ITIH6: variants seen among roughly 807,000 people sequenced by gnomAD.
ITIH6 encodes the protein inter-alpha-trypsin inhibitor heavy chain family member 6, also known as inter-alpha-trypsin inhibitor heavy chain H6.
ITIH6 carries 60 observed loss-of-function variants against 58.2 expected under a neutral mutation model. The ratio of observed to expected loss-of-function variants is 1.03; its 90% CI spans 0.84 to 1.28. ITIH6 has a LOEUF of 1.28. ITIH6 is among the 50% of genes most tolerant of loss of function. The pLI is 0.00. For synonymous variants in ITIH6, 493 were observed against 417.4 expected (o/e 1.18, Z -2.21); for missense variants, 1,290 against 1,021.1 (o/e 1.26, Z -3.59).
chrX:54,794,649 A>T (rs1929408940), intron 2 of ITIH6, among the ~76,000 whole-genome samples: 1 of 111,124 alleles, frequency 9.0e-6, no homozygotes. Flanking sequence ...AAGTGCCAGG[A>T]GGTTCTTGAT....
rs185175553 is a variant in ITIH6 at position 54,768,618 on chromosome X, C to G, written c.903+5463G>C. ...ACAAAATCGGTCAGCATTTGCTTGTCTGTAAAGTATTTTATATGAAGCTTA... is the reference window on the plus strand; with the variant it reads ...ACAAAATCGGTCAGCATTTGCTTGTGTGTAAAGTATTTTATATGAAGCTTA... On this transcript the variant is annotated intron_variant, in intron 6 of 12. Transcript: ENST00000218436. Among the ~76,000 whole-genome samples the G allele has an allele frequency of 3.8e-4, 41 of 109,075 alleles. No homozygotes were observed. In the East Asian group the frequency reaches 7.7e-3, roughly 20 times the overall value. The allele number at this position is 109,075 out of a possible 115,157, so 94.7% of individuals were successfully genotyped here. A position where few individuals can be genotyped will look rare whatever the true frequency, so the allele number is the denominator to read the frequency against.
intron 4 of ITIH6, among the ~76,000 whole-genome samples, chrX:54,788,868 G>A (rs773262661): frequency 3.6e-5 from 4 of 112,330 alleles, no homozygotes; most frequent in Non-Finnish European, 7.5e-5. Context: ...GAGCCTAGCC[G>A]GACAGACCCA....
intron 5 of ITIH6, among the ~76,000 whole-genome samples, chrX:54,778,251 G>A (rs1312124732): frequency 9.6e-6 from 1 of 104,305 alleles, no homozygotes; most frequent in African/African-American, 3.6e-5. Flanking sequence ...CTGGAGTGCA[G>A]TGGCACGATG....
In ITIH6 at chrX:54,757,689, C is replaced by T. The variant is rs145304460; in HGVS notation, c.2385G>A (p.Gly795=). The change falls in exon 8 of 13, where the codon GGG becomes GGA. Residue 795 remains glycine (G), a synonymous_variant. Transcript: ENST00000218436. Reference sequence around the variant, plus strand: ...CTTTAGGTGCCTGTGATGTGAGTGCCCCAAGTTGGGGGTGCGATGGAGCAC... The same window carrying T: ...CTTTAGGTGCCTGTGATGTGAGTGCTCCAAGTTGGGGGTGCGATGGAGCAC... The part of the protein sequence containing the change: ...KPGAPSHPQL[G]ALTSQAPKGL... The T allele has an allele frequency of 2.5e-6, 3 of 1,210,879 alleles. No individual in the cohort carries two copies. The highest frequency in any genetic ancestry group is 3.4e-6 in the Non-Finnish European group (3 of 895,209).
rs966898766 is a variant in ITIH6 at position 54,758,959 on chromosome X, A to G, written c.1115T>C (p.Val372Ala). ...AGGCTCCTGGTTGCTATGGTTCAGC[A>G]CTGAAGCAGCTGCCAGCAGAGCTGA... ...VNSALLAAASVLNHSNQEPGR... is the reference protein window; with the variant it reads ...VNSALLAAASALNHSNQEPGR... Residue 372 changes from valine (V) to alanine (A), a missense_variant, in exon 8 of 13, where the codon GTG (valine) becomes GCG (alanine). By Grantham distance (64) the Val-to-Ala change is moderately conservative. Coordinates refer to ENST00000218436, the MANE Select transcript of ITIH6 (RefSeq NM_198510.3). The G allele has an allele frequency of 7.6e-6, 9 of 1,184,803 alleles. No homozygotes were observed. Among genetic ancestry groups the G allele is most frequent in the Non-Finnish European group, 1.0e-5 (9 of 881,205 alleles).
intron 5 of ITIH6, among the ~76,000 whole-genome samples, chrX:54,776,991 G>T (rs1457181367): frequency 8.9e-6 from 1 of 112,467 alleles, no homozygotes; most frequent in African/African-American, 3.2e-5. Flanking sequence ...GCAGGCTCTT[G>T]AGGTCCTAGA....
chrX:54,789,129 G>C (rs1034009098), intron 4 of ITIH6, among the ~76,000 whole-genome samples: 1 of 112,131 alleles, frequency 8.9e-6, no homozygotes, highest in African/African-American at 3.2e-5. Context: ...AGCCTAGCAA[G>C]GTTGTCCTCT....
In ITIH6 at chrX:54,778,581, A is replaced by C. The variant is rs1194919407; in HGVS notation, c.787-4384T>G. On this transcript the variant is annotated intron_variant, in intron 5 of 12. Transcript: ENST00000218436. ...GATAGGCTATTTGAAAATAAACAGT[A>C]AGAAGAGACAAAAGTAAAAAGAATA... Among the ~76,000 whole-genome samples, 151 of 112,162 alleles carry C rather than the reference A, an allele frequency of 1.3e-3. 2 individuals carry two copies. Among genetic ancestry groups the C allele is most frequent in the African/African-American group, 4.4e-3 (135 of 30,893 alleles).
chrX:54,773,743 A>T lies in ITIH6; in HGVS notation c.903+338T>A, dbSNP rs369429020. On this transcript the variant is annotated intron_variant, in intron 6 of 12. Transcript: ENST00000218436. The stretch of plus-strand genomic sequence containing the variant: ...CCCAAAACCTTGTGGCCTCAGGAAG[A>T]CTCAGAGTCTTTCTCACCTAAGGTT... Among the ~76,000 whole-genome samples, 9 of 110,570 alleles carry T rather than the reference A, an allele frequency of 8.1e-5. No homozygotes were observed. The South Asian group carries it at 3.6e-3, about 44-fold the overall frequency.
chrX:54,789,646 C>A lies in ITIH6; in HGVS notation c.617-997G>T, dbSNP rs776812655. Among the ~76,000 whole-genome samples the A allele has an allele frequency of 2.6e-3, 296 of 112,625 alleles. 2 individuals carry two copies. The highest frequency in any genetic ancestry group is 8.0e-3 in the African/African-American group (249 of 30,999). On this transcript the variant is annotated intron_variant, in intron 4 of 12. Transcript: ENST00000218436. ...CTGCTGCTGTGTGTCCCTGGACAAG[C>A]GACTCATTCTCTCTAAGCCTCTGGC...
intron 4 of ITIH6, among the ~76,000 whole-genome samples, chrX:54,790,354 A>G (rs183849269): frequency 1.3e-3 from 141 of 112,024 alleles, no homozygotes; most frequent in African/African-American, 4.1e-3. Flanking sequence ...CAAAACCTCT[A>G]GGTGACATTT....
intron 9 of ITIH6, 60 bp downstream of exon 9, chrX:54,754,957 A>C (rs1476545314): frequency 1.1e-6 from 1 of 886,959 alleles, no homozygotes; most frequent in East Asian, 3.1e-5. Context: ...GTCAATAAGA[A>C]TTCTAATGGA....
At chrX:54,756,364 C>T (rs906121045) in intron 8 of ITIH6, among the ~76,000 whole-genome samples, 1 of 111,825 alleles carries the variant, frequency 8.9e-6, no homozygotes, top group African/African-American at 3.3e-5. Context: ...CCTCTCTGTG[C>T]TTCATTCTCC....
intron 6 of ITIH6, among the ~76,000 whole-genome samples, chrX:54,767,429 C>A (rs368143431): frequency 3.6e-4 from 37 of 103,596 alleles, no homozygotes; most frequent in Non-Finnish European, 6.7e-4. Flanking sequence ...TTGCCTTCTG[C>A]TAGCTTTTGA....
chrX:54,795,093 CCT>C (rs762693753), intron 2 of ITIH6, among the ~76,000 whole-genome samples: 9 of 111,829 alleles, frequency 8.0e-5, no homozygotes, highest in Middle Eastern at 4.6e-3. Flanking sequence ...GGATTCTGCC[CCT>C]GTTTGCCTAC....
intron 12 of ITIH6, among the ~76,000 whole-genome samples, chrX:54,750,516 T>C (rs1928331277): frequency 9.0e-6 from 1 of 111,611 alleles, no homozygotes; most frequent in Non-Finnish European, 1.9e-5. Flanking sequence ...CCTCCCTTCA[T>C]AGCAGTCTCC....
intron 6 of ITIH6, 112 bp downstream of exon 6, chrX:54,773,969 A>T (rs1367946598): frequency 7.1e-6 from 3 of 422,935 alleles, no homozygotes; most frequent in Non-Finnish European, 1.2e-5. Flanking sequence ...GTAAGACTCA[A>T]GGGTCATGGG....
At chrX:54,755,590 G>A (rs148823812) in intron 8 of ITIH6, among the ~76,000 whole-genome samples, 1,222 of 110,556 alleles carry the variant, frequency 0.011, 26 homozygotes, top group African/African-American at 0.038. Context: ...GCTGGAGTTC[G>A]AAGGGCAATG....
At position 54,757,934 on chromosome X, in the gene ITIH6, CAGAATCCTGTTGTGCT is replaced by C; in HGVS notation, c.2124_2139del (p.Gln710ProfsTer25). The stretch of plus-strand genomic sequence containing the variant: ...CTGAGAGTTGGCTGGGCCAAGGTGC[CAGAATCCTGTTGTGCT>C]GGAATTTTGGCCTTTGGGTATGTGG... On this transcript the variant is annotated frameshift_variant, in exon 8 of 13. Coordinates refer to ENST00000218436, the MANE Select transcript of ITIH6 (RefSeq NM_198510.3). LOFTEE classifies it high-confidence loss of function. The C allele has an allele frequency of 1.7e-6, 2 of 1,211,747 alleles. No homozygotes were observed. The highest frequency in any genetic ancestry group is 2.2e-6 in the Non-Finnish European group (2 of 895,414).
Sources: allele counts gnomAD v4.1 joint callset (sites outside exome capture counted in the v4.1 genomes callset), GRCh38; gene constraint gnomAD v4.1.1; transcripts MANE v1.5; gene names NCBI Gene and HGNC (gene_info 2026-07-23, HGNC 2026-07-21).